Variants in ANKS1B observed in about 807,000 individuals in gnomAD.
ANKS1B encodes the protein ankyrin repeat and sterile alpha motif domain-containing protein 1B.
A neutral mutation model predicts 148.3 loss-of-function variants in ANKS1B; 36 were observed. That is an observed-to-expected ratio of 0.24 (90% CI 0.19 to 0.32). The LOEUF (loss-of-function observed/expected upper bound fraction) is 0.32, where lower values mean the gene tolerates loss of function less well. Among genes scored for constraint, ANKS1B ranks in the 10% least tolerant of loss-of-function variants. The pLI is 1.00. For synonymous variants in ANKS1B, 542 were observed against 560.8 expected (o/e 0.97, Z 0.47); for missense variants, 1,157 against 1,542.6 (o/e 0.75, Z 4.19).
intron 17 of ANKS1B, among the ~76,000 whole-genome samples, chr12:98,893,868 G>C (rs1004301752): frequency 6.6e-6 from 1 of 152,332 alleles, no homozygotes; most frequent in East Asian, 1.9e-4. Flanking sequence ...GGTTTTCTTG[G>C]AGGAAAAATA....
intron 9 of ANKS1B, among the ~76,000 whole-genome samples, chr12:99,528,024 C>T (rs2096944456): frequency 6.6e-6 from 1 of 151,850 alleles, no homozygotes. Flanking sequence ...CTACAGTAGA[C>T]ACATAGACAA....
chr12:98,774,320 C>T (rs1593286887), intron 24 of ANKS1B, among the ~76,000 whole-genome samples: 2 of 152,190 alleles, frequency 1.3e-5, no homozygotes, highest in East Asian at 1.9e-4. Context: ...TGCCCTTCAA[C>T]GTCTCCACCT....
intron 9 of ANKS1B, among the ~76,000 whole-genome samples, chr12:99,512,630 A>G: frequency 6.6e-6 from 1 of 152,184 alleles, no homozygotes; most frequent in South Asian, 2.1e-4. Flanking sequence ...TGTTCACAAT[A>G]GCAAAGACAT....
At chr12:99,315,284 A>G (rs1188711174) in intron 12 of ANKS1B, among the ~76,000 whole-genome samples, 1 of 151,970 alleles carries the variant, frequency 6.6e-6, no homozygotes, top group Non-Finnish European at 1.5e-5. Flanking sequence ...CAGGCAACTT[A>G]CAAAACGGAA....
chr12:99,159,988 A>G (rs2153829294), intron 14 of ANKS1B, among the ~76,000 whole-genome samples: 1 of 152,234 alleles, frequency 6.6e-6, no homozygotes, highest in South Asian at 2.1e-4. Flanking sequence ...GACGTTAAGC[A>G]TTGTTTCGTA....
chr12:99,157,622 T>C (rs1350303987), intron 14 of ANKS1B, among the ~76,000 whole-genome samples: 3 of 151,726 alleles, frequency 2.0e-5, no homozygotes, highest in Non-Finnish European at 2.9e-5. Context: ...GCACAAAACA[T>C]AGAGAGTGGA....
chr12:99,860,458 T>A (rs983279260), intron 1 of ANKS1B, among the ~76,000 whole-genome samples: 4 of 152,192 alleles, frequency 2.6e-5, no homozygotes, highest in Non-Finnish European at 2.9e-5. Context: ...GAAAGGGATT[T>A]AATTCAGGGA....
At chr12:99,527,361 C>T (rs747012793) in intron 9 of ANKS1B, among the ~76,000 whole-genome samples, 3 of 152,040 alleles carry the variant, frequency 2.0e-5, no homozygotes, top group Non-Finnish European at 4.4e-5. Context: ...TAATAGGTAT[C>T]AAAATTTTAA....
At chr12:98,909,933 G>C (rs1034302677) in intron 17 of ANKS1B, among the ~76,000 whole-genome samples, 2 of 152,208 alleles carry the variant, frequency 1.3e-5, no homozygotes, top group African/African-American at 4.8e-5. Flanking sequence ...ATACCTCAGG[G>C]GGCCGGGAAT....
intron 16 of ANKS1B, among the ~76,000 whole-genome samples, chr12:99,070,137 A>G (rs1312167250): frequency 6.6e-6 from 1 of 152,188 alleles, no homozygotes; most frequent in African/African-American, 2.4e-5. Context: ...TTTGGCCCAG[A>G]ATGTCTTTCT....
At chr12:99,049,746 TG>T (rs1306774287) in intron 17 of ANKS1B, among the ~76,000 whole-genome samples, 1 of 152,242 alleles carries the variant, frequency 6.6e-6, no homozygotes, top group Non-Finnish European at 1.5e-5. Context: ...ATTATTTTCA[TG>T]GGGCATGTGA....
chr12:99,106,811 T>C (rs967943838), intron 15 of ANKS1B, among the ~76,000 whole-genome samples: 1 of 152,252 alleles, frequency 6.6e-6, no homozygotes, highest in African/African-American at 2.4e-5. Flanking sequence ...GTCTTAAAAT[T>C]TGGTTACGAA....
rs546808481 is a variant in ANKS1B, at chr12:99,846,329, C to T, written c.135-20940G>A. On this transcript the variant is annotated intron_variant, in intron 1 of 26. Coordinates refer to ENST00000683438, the MANE Select transcript of ANKS1B (RefSeq NM_001352186.2). ...ATCAAGCGTTCTTCATTTCTTTATTCCTTTCTAGCTATTTTTCCTTAACAT... is the reference window on the plus strand; with the variant it reads ...ATCAAGCGTTCTTCATTTCTTTATTTCTTTCTAGCTATTTTTCCTTAACAT... Among the ~76,000 whole-genome samples, 7 of 152,090 alleles carry T rather than the reference C, an allele frequency of 4.6e-5. No homozygotes were observed. In the South Asian group the frequency reaches 1.5e-3, roughly 32 times the overall value.
intron 9 of ANKS1B, among the ~76,000 whole-genome samples, chr12:99,555,905 G>C (rs1287799384): frequency 1.3e-5 from 2 of 151,986 alleles, no homozygotes; most frequent in Non-Finnish European, 2.9e-5. Flanking sequence ...GTTTTTTGTT[G>C]TATCTCTGCC....
chr12:99,651,935 A>G (rs1378727977), intron 9 of ANKS1B, among the ~76,000 whole-genome samples: 2 of 151,716 alleles, frequency 1.3e-5, no homozygotes, highest in East Asian at 3.9e-4. Context: ...TATATGTACA[A>G]ATATACTATA....
intron 1 of ANKS1B, among the ~76,000 whole-genome samples, chr12:99,869,425 G>A (rs1420893302): frequency 6.6e-6 from 1 of 152,136 alleles, no homozygotes; most frequent in Non-Finnish European, 1.5e-5. Flanking sequence ...TGTAATCCCA[G>A]CACTTTGGGA....
chr12:99,771,341 G>A (rs189308848), intron 8 of ANKS1B, among the ~76,000 whole-genome samples: 10 of 151,954 alleles, frequency 6.6e-5, no homozygotes, highest in Admixed American at 3.3e-4. Flanking sequence ...CTAATGGTAC[G>A]TACAACAAAA....
intron 8 of ANKS1B, among the ~76,000 whole-genome samples, chr12:99,729,354 T>C (rs1260821531): frequency 6.6e-6 from 1 of 152,150 alleles, no homozygotes; most frequent in Non-Finnish European, 1.5e-5. Flanking sequence ...TTTGGAGTAA[T>C]GAAGTAGTTT....
At chr12:99,663,670 T>C (rs531452719) in intron 8 of ANKS1B, among the ~76,000 whole-genome samples, 9 of 152,068 alleles carry the variant, frequency 5.9e-5, no homozygotes, top group Non-Finnish European at 1.3e-4. Flanking sequence ...CACTCTGAAA[T>C]GACGTTACTA....
Sources: gnomAD v4.1 joint callset for allele counts (sites outside exome capture counted in the v4.1 genomes callset) on GRCh38, gnomAD v4.1.1 for gene constraint, MANE v1.5 for transcripts, NCBI Gene and HGNC (gene_info 2026-07-23, HGNC 2026-07-21) for gene names.